The following SLC30A3 variants were observed in gnomAD, a reference collection of about 807,000 sequenced individuals.
SLC30A3 encodes probable proton-coupled zinc antiporter SLC30A3.
Under a neutral mutation model 35.6 loss-of-function variants are expected in SLC30A3, and 20 were observed. The observed-to-expected ratio is 0.56, with a 90% CI of 0.39 to 0.82. The LOEUF (loss-of-function observed/expected upper bound fraction) is 0.82, where lower values mean the gene tolerates loss of function less well. SLC30A3 is among the 40% of genes least tolerant of loss of function. The pLI is 0.00. For synonymous variants in SLC30A3, 217 were observed against 224.7 expected (o/e 0.97, Z 0.31); for missense variants, 401 against 530.6 (o/e 0.76, Z 2.40).
At position 27,258,870 on chromosome 2, in the gene SLC30A3, G is replaced by A; in HGVS notation, c.160C>T (p.His54Tyr). ...ESKPVEMPFH[H>Y]CHRDPLPPPG... is the part of the protein sequence containing the mutation. ...GGCGGAAGGGGGTCCCTGTGGCAGTGGTGGAAGGGCATCTCCACAGGTTTG... is the reference window on the plus strand; with the variant it reads ...GGCGGAAGGGGGTCCCTGTGGCAGTAGTGGAAGGGCATCTCCACAGGTTTG... Residue 54 changes from histidine (H) to tyrosine (Y), a missense_variant, in exon 2 of 8, where the codon CAC becomes TAC. Around this residue, in one of 3 missense-constraint regions of SLC30A3, gnomAD observed 103 missense variants for 120.7 expected, o/e 0.85. Coordinates refer to ENST00000233535, the MANE Select transcript of SLC30A3 (RefSeq NM_003459.5). The surrounding 1 kb of genome is among the most constrained non-coding windows in gnomAD (Gnocchi z 4.0). 2 of 1,614,008 alleles carry A rather than the reference G, an allele frequency of 1.2e-6. No individual in the cohort carries two copies. The highest frequency in any genetic ancestry group is 2.2e-5 in the East Asian group (1 of 44,888).
chr2:27,264,366 A>C (rs747057048), upstream of SLC30A3, among the ~76,000 whole-genome samples: 1 of 152,078 alleles, frequency 6.6e-6, no homozygotes, highest in Non-Finnish European at 1.5e-5. The surrounding 1 kb of genome is among the most constrained non-coding windows in gnomAD (Gnocchi z 6.1). Context: ...CAAAACAAAA[A>C]CGGGAGCACG....
intron 1 of SLC30A3, among the ~76,000 whole-genome samples, chr2:27,261,170 G>A (rs1006212848): frequency 1.3e-5 from 2 of 152,168 alleles, no homozygotes; most frequent in South Asian, 4.1e-4. Context: ...GAGTCTAAGC[G>A]TGAAGTGTCA....
chr2:27,257,629 C>T lies in SLC30A3; in HGVS notation c.578+276G>A. 1 of 598,246 alleles carries T rather than the reference C, an allele frequency of 1.7e-6. No individual in the cohort carries two copies. The highest frequency in any genetic ancestry group is 3.0e-6 in the Non-Finnish European group (1 of 336,758). The allele number at this position is 598,246 out of a possible 1,614,324, so 37.1% of individuals were successfully genotyped here. On this transcript the variant is annotated intron_variant, in intron 4 of 7. Transcript: ENST00000233535. This position sits in a 1 kb window ranked among gnomAD's most constrained non-coding sequence, Gnocchi z 4.7. ...TAATGGTAAACTAGGGGTAATGCTA[C>T]CTACCTCATGGGGTGGCTGTGAGGT... is the stretch of plus-strand genomic sequence containing the variant.
In SLC30A3 at chr2:27,253,719, G is replaced by A. The variant is rs537235692; in HGVS notation, c.*1593C>T. ...CTTGCTCTGTTGCCCAGGCTGAAGT[G>A]CAGTGGCATGATCATGGCTGACTGC... is the stretch of plus-strand genomic sequence containing the variant. On this transcript the variant is annotated 3_prime_UTR_variant, in exon 8 of 8. Coordinates refer to ENST00000233535, the MANE Select transcript of SLC30A3 (RefSeq NM_003459.5). The A allele has an allele frequency of 6.7e-6, 1 of 149,642 alleles. No homozygotes were observed. Among genetic ancestry groups the A allele is most frequent in the East Asian group, 2.0e-4 (1 of 5,074 alleles). 9.3% of individuals were successfully genotyped at this position (149,642 alleles called of 1,614,324 possible). A position where few individuals can be genotyped will look rare whatever the true frequency, so the allele number is the denominator to read the frequency against.
rs1210722533 is a variant in SLC30A3 at position 27,258,787 on chromosome 2, G to A, written c.243C>T (p.Ala81=). ...CCCCAGCCATGAAGACAAAGCAAAC[G>A]GCACAGGCAGCATATAGCTGCCTCC... ...HARRQLYAAC[A]VCFVFMAGEV... Residue 81 remains alanine (A), a synonymous_variant, in exon 2 of 8, where the codon GCC becomes GCT. Coordinates refer to ENST00000233535, the MANE Select transcript of SLC30A3 (RefSeq NM_003459.5). This position sits in a 1 kb window ranked among gnomAD's most constrained non-coding sequence, Gnocchi z 4.0. 2.5e-6 allele frequency: 4 copies of A among 1,614,072 alleles called. No homozygotes were observed. Among genetic ancestry groups the A allele is most frequent in the East Asian group, 2.2e-5 (1 of 44,894 alleles).
At chr2:27,273,958 GA>G (rs1193506823) in intron 1 of SLC30A3, among the ~76,000 whole-genome samples, 2 of 152,218 alleles carry the variant, frequency 1.3e-5, no homozygotes, top group African/African-American at 4.8e-5. Context: ...CTTTTTTGGT[GA>G]GTGACCTTCG....
rs1420611762 is a variant in SLC30A3, at chr2:27,271,172, G to A, written c.-159+4005C>T. Reference sequence around the variant, plus strand: ...CAATTTGAGAACCTGGTGGTTGAATGTGACAAATTGTGATCTCTCTCTCTC... The same window carrying A: ...CAATTTGAGAACCTGGTGGTTGAATATGACAAATTGTGATCTCTCTCTCTC... On this transcript the variant is annotated intron_variant, in intron 1 of 5. Transcript: ENST00000424577. The surrounding 1 kb of genome is among the most constrained non-coding windows in gnomAD (Gnocchi z 4.3). Among the ~76,000 whole-genome samples, 1 of 152,174 alleles carries A rather than the reference G, an allele frequency of 6.6e-6. No homozygotes were observed. Among genetic ancestry groups the A allele is most frequent in the Non-Finnish European group, 1.5e-5 (1 of 68,028 alleles).
rs78757682 is a variant in SLC30A3, at chr2:27,258,067, G to C, written c.425-9C>G. On this transcript the variant is annotated splice_polypyrimidine_tract_variant and intron_variant, in intron 3 of 7. Coordinates refer to ENST00000233535, the MANE Select transcript of SLC30A3 (RefSeq NM_003459.5). This position sits in a 1 kb window ranked among gnomAD's most constrained non-coding sequence, Gnocchi z 4.0. ...CAAAGCCCCCAGAGTCTCTGCGGGT[G>C]GGGGGGGAGACAAGCTGTCAGAGAC... is the stretch of plus-strand genomic sequence containing the variant. The C allele has an allele frequency of 8.3e-5, 133 of 1,609,332 alleles. No homozygotes were observed. The Middle Eastern group carries it at 2.0e-3, about 24-fold the overall frequency.
chr2:27,265,606 G>A (rs1229303410), upstream of SLC30A3, among the ~76,000 whole-genome samples: 1 of 152,134 alleles, frequency 6.6e-6, no homozygotes, highest in African/African-American at 2.4e-5. The surrounding 1 kb of genome is among the most constrained non-coding windows in gnomAD (Gnocchi z 5.9). Flanking sequence ...GCAACCTGGA[G>A]GTCCAACTTC....
Position 27,258,709 on chromosome 2 carries a change from C to G in SLC30A3, c.277+44G>C, listed in dbSNP as rs1484157384. The stretch of plus-strand genomic sequence containing the variant: ...GACTCTGGGTGGAGAGTGGCTTGGG[C>G]AGGTATTTGGAGAATGGGGTTTAAG... On this transcript the variant is annotated intron_variant, in intron 2 of 7. Transcript: ENST00000233535. The surrounding 1 kb of genome is among the most constrained non-coding windows in gnomAD (Gnocchi z 4.0). The G allele has an allele frequency of 6.3e-7, 1 of 1,599,358 alleles. No individual in the cohort carries two copies. The highest frequency in any genetic ancestry group is 8.6e-7 in the Non-Finnish European group (1 of 1,167,912).
At chr2:27,264,565 C>A (rs1007393084), upstream of SLC30A3, among the ~76,000 whole-genome samples, 6 of 152,208 alleles carry the variant, frequency 3.9e-5, no homozygotes, top group Non-Finnish European at 8.8e-5. The surrounding 1 kb of genome is among the most constrained non-coding windows in gnomAD (Gnocchi z 6.1). Context: ...TGCTGCAGAG[C>A]GGCACGGGAG....
At chr2:27,269,752 G>A (rs980233456) in intron 1 of SLC30A3, among the ~76,000 whole-genome samples, 6 of 152,092 alleles carry the variant, frequency 3.9e-5, no homozygotes, top group African/African-American at 1.4e-4. Flanking sequence ...CAGCTACTCA[G>A]GAGGTTGAGG....
In SLC30A3 at chr2:27,262,776, G is replaced by GC; in HGVS notation, c.95+35dup. The GC allele has an allele frequency of 2.0e-6, 3 of 1,486,634 alleles. No individual in the cohort carries two copies. Among genetic ancestry groups the GC allele is most frequent in the South Asian group, 1.3e-5 (1 of 75,784 alleles). 92.1% of individuals were successfully genotyped at this position (1,486,634 alleles called of 1,614,324 possible). On this transcript the variant is annotated intron_variant, in intron 1 of 7. Coordinates refer to ENST00000233535, the MANE Select transcript of SLC30A3 (RefSeq NM_003459.5). This position sits in a 1 kb window ranked among gnomAD's most constrained non-coding sequence, Gnocchi z 7.5. ...AATGGACGGAGGGTAGTAGGGTGGC[G>GC]CCCCCGGGCCGAGGGCCAGCCCAGG... is the stretch of plus-strand genomic sequence containing the variant.
Position 27,258,260 on chromosome 2 carries a change from A to G in SLC30A3, c.325T>C (p.Leu109=). The change falls in exon 3 of 8, where the codon TTG becomes CTG. Residue 109 remains leucine, a synonymous_variant. Coordinates refer to ENST00000233535, the MANE Select transcript of SLC30A3 (RefSeq NM_003459.5). This position sits in a 1 kb window ranked among gnomAD's most constrained non-coding sequence, Gnocchi z 4.0. The part of the protein sequence containing the change: ...SLAIMTDAAH[L]LADVGSMMGS... ...ATCATGCTGCCCACATCCGCCAGCAAGTGGGCTGCATCGGTCATGATGGCC... is the reference window on the plus strand; with the variant it reads ...ATCATGCTGCCCACATCCGCCAGCAGGTGGGCTGCATCGGTCATGATGGCC... 6.4e-7 allele frequency: 1 copy of G among 1,562,134 alleles called. No individual in the cohort carries two copies. Among genetic ancestry groups the G allele is most frequent in the Non-Finnish European group, 8.7e-7 (1 of 1,151,552 alleles).
At position 27,257,135 on chromosome 2, in the gene SLC30A3, A is replaced by T. The variant is rs201605221; in HGVS notation, c.777+19T>A. On this transcript the variant is annotated intron_variant, in intron 5 of 7. Transcript: ENST00000233535. This position sits in a 1 kb window ranked among gnomAD's most constrained non-coding sequence, Gnocchi z 4.7. ...TGGTTGTGGGGAGGAAGGCTGGGGC[A>T]GGTCTCCAATGATGGTACCTTGAAG... The T allele has an allele frequency of 6.2e-7, 1 of 1,610,844 alleles. No individual in the cohort carries two copies. The highest frequency in any genetic ancestry group is 8.5e-7 in the Non-Finnish European group (1 of 1,177,184).
intron 1 of SLC30A3, among the ~76,000 whole-genome samples, chr2:27,270,401 C>G (rs1677682152): frequency 6.6e-6 from 1 of 151,884 alleles, no homozygotes; most frequent in Admixed American, 6.6e-5. Context: ...AAATGGGGTT[C>G]TAAGAGGCTG....
In SLC30A3 at chr2:27,257,228, C is replaced by T; in HGVS notation, c.703G>A (p.Ala235Thr). ...LPLGNTSVRA[A>T]FVHVLGDLLQ... The stretch of plus-strand genomic sequence containing the variant: ...AGGTCCCCCAGCACGTGCACAAATG[C>T]CGCCCGGACGCTGGTGTTCCCCAGG... Residue 235 changes from alanine (A) to threonine (T), a missense_variant, in exon 5 of 8, where the codon GCA becomes ACA. This residue lies in a region of SLC30A3 where 296 missense variants were observed against 392.6 expected (regional missense o/e 0.75). Transcript: ENST00000233535. This position sits in a 1 kb window ranked among gnomAD's most constrained non-coding sequence, Gnocchi z 4.7. 1 of 1,614,038 alleles carries T rather than the reference C, an allele frequency of 6.2e-7. No homozygotes were observed. The highest frequency in any genetic ancestry group is 8.5e-7 in the Non-Finnish European group (1 of 1,179,964).
At chr2:27,260,826 G>A (rs568220023) in intron 1 of SLC30A3, among the ~76,000 whole-genome samples, 46 of 152,274 alleles carry the variant, frequency 3.0e-4, no homozygotes, top group African/African-American at 7.2e-4. Context: ...GAATCTGGGC[G>A]TGTATGATTC....
At position 27,254,196 on chromosome 2, in the gene SLC30A3, G is replaced by A. The variant is rs1676716996; in HGVS notation, c.*1116C>T. ...AGAACCAAGCCCACATCAGTGCTAT[G>A]GTCTAGCCATTCTCCCTCAAAGGGA... is the stretch of plus-strand genomic sequence containing the variant. On this transcript the variant is annotated 3_prime_UTR_variant, in exon 8 of 8. Coordinates refer to ENST00000233535, the MANE Select transcript of SLC30A3 (RefSeq NM_003459.5). The A allele has an allele frequency of 6.6e-6, 1 of 152,222 alleles. No homozygotes were observed. The highest frequency in any genetic ancestry group is 1.5e-5 in the Non-Finnish European group (1 of 68,082). 9.4% of individuals were successfully genotyped at this position (152,222 alleles called of 1,614,324 possible). A position where few individuals can be genotyped will look rare whatever the true frequency, so the allele number is the denominator to read the frequency against.
Sources: gnomAD v4.1 joint callset for allele counts (sites outside exome capture counted in the v4.1 genomes callset) on GRCh38, gnomAD v4.1.1 for gene constraint, gnomAD v4.1.1 regional missense constraint, Gnocchi (gnomAD v3.1) non-coding constraint, MANE v1.5 for transcripts, NCBI Gene and HGNC (gene_info 2026-07-23, HGNC 2026-07-21) for gene names.